The following SRSF10 variants were observed in gnomAD, a reference collection of about 807,000 sequenced individuals.
The protein encoded by SRSF10 is serine/arginine-rich splicing factor 10.
A neutral mutation model predicts 32.6 loss-of-function variants in SRSF10; 9 were observed. That is an observed-to-expected ratio of 0.28 (90% CI 0.17 to 0.48). The LOEUF is 0.48. Ranked by LOEUF, SRSF10 falls within the 20% of genes least tolerant of loss-of-function variation. The pLI, the probability that SRSF10 is intolerant of heterozygous loss-of-function variation, is 0.99. For missense variants in SRSF10, 201 were observed against 331.8 expected (o/e 0.61, Z 3.06); for synonymous variants, 105 against 112.4 (o/e 0.93, Z 0.42).
chr1:23,978,867 T>A, intron 1 of SRSF10, 50 bp from the exon 2 acceptor site: 2 of 1,490,080 alleles, frequency 1.3e-6, no homozygotes, highest in Non-Finnish European at 1.8e-6. Flanking sequence ...GTCCTTAAGA[T>A]GTATAGGCAA....
intron 2 of SRSF10, chr1:23,975,621 T>C (rs1233517593): frequency 2.0e-5 from 3 of 152,378 alleles, no homozygotes; most frequent in Non-Finnish European, 4.4e-5. Flanking sequence ...AATACTACTA[T>C]TTCATTTAAC....
chr1:23,970,013 G>A lies in SRSF10; in HGVS notation c.*1129C>T. ...CAAAATTTCAGTTCTTTTACACTAG[G>A]CACACACACACAAAACCTACTTTGA... On this transcript the variant is annotated 3_prime_UTR_variant, in exon 6 of 6. Coordinates refer to ENST00000492112, the MANE Select transcript of SRSF10 (RefSeq NM_054016.4). 2.0e-6 allele frequency: 2 copies of A among 985,236 alleles called. No homozygotes were observed. The highest frequency in any genetic ancestry group is 2.4e-6 in the Non-Finnish European group (2 of 829,898). The allele number at this position is 985,236 out of a possible 1,614,324, so 61.0% of individuals were successfully genotyped here. A position where few individuals can be genotyped will look rare whatever the true frequency, so the allele number is the denominator to read the frequency against.
chr1:23,978,458 G>T (rs1397639304), intron 2 of SRSF10, among the ~76,000 whole-genome samples: 1 of 152,108 alleles, frequency 6.6e-6, no homozygotes, highest in Admixed American at 6.6e-5. Context: ...CAACCAGAGT[G>T]CATTCAAATT....
At chr1:23,975,148 T>C in intron 2 of SRSF10, 71 bp from the exon 3 acceptor site, 1 of 1,188,862 alleles carries the variant, frequency 8.4e-7, no homozygotes, top group South Asian at 1.2e-5. Flanking sequence ...TTGGTATGTC[T>C]GGAACAATTC....
rs931930323 is a variant in SRSF10, at chr1:23,971,636, A to G, written c.438-10T>C. The G allele has an allele frequency of 5.0e-5, 80 of 1,608,618 alleles. No individual in the cohort carries two copies. The highest frequency in any genetic ancestry group is 1.9e-4 in the Admixed American group (11 of 59,450). ...TCCAGTCGGTCTACTGCTAAAAAGC[A>G]TATCAGAAAAAGCAGTGACAAATAT... is the stretch of plus-strand genomic sequence containing the variant. On this transcript the variant is annotated splice_polypyrimidine_tract_variant and intron_variant, in intron 4 of 5. Transcript: ENST00000492112.
intron 2 of SRSF10, chr1:23,976,812 C>T (rs1642120990): frequency 6.6e-6 from 1 of 152,172 alleles, no homozygotes; most frequent in Non-Finnish European, 1.5e-5. Context: ...GAAATTTGTA[C>T]TTTATGGTCT....
At chr1:23,972,566 C>T (rs1437417124) in intron 3 of SRSF10, among the ~76,000 whole-genome samples, 1 of 152,044 alleles carries the variant, frequency 6.6e-6, no homozygotes, top group Non-Finnish European at 1.5e-5. Flanking sequence ...CCTCAGCCTC[C>T]TGAGGAGCTG....
chr1:23,978,208 C>T (rs1263207924), intron 2 of SRSF10: 28 of 985,454 alleles, frequency 2.8e-5, no homozygotes, highest in Non-Finnish European at 3.3e-5. Flanking sequence ...AAGTGTTGAA[C>T]TCTACTCTAA....
chr1:23,971,548 T>C (rs2148500362), intron 5 of SRSF10, 25 bp downstream of exon 5: 1 of 1,604,630 alleles, frequency 6.2e-7, no homozygotes, highest in Non-Finnish European at 8.5e-7. Flanking sequence ...AATACATGAG[T>C]CTTTTTCAAA....
In SRSF10 at chr1:23,969,312, T is replaced by C. The variant is rs1247603795; in HGVS notation, c.*1830A>G. On this transcript the variant is annotated 3_prime_UTR_variant, in exon 6 of 6. Coordinates refer to ENST00000492112, the MANE Select transcript of SRSF10 (RefSeq NM_054016.4). The stretch of plus-strand genomic sequence containing the variant: ...TGTAAACTACTGCTACAGTTTTAAA[T>C]AGACTTTTTGTTGTTTAAACTATAC... 1.5e-5 allele frequency: 15 copies of C among 985,138 alleles called. No homozygotes were observed. The highest frequency in any genetic ancestry group is 1.8e-5 in the Non-Finnish European group (15 of 829,398). The allele number at this position is 985,138 out of a possible 1,614,324, so 61.0% of individuals were successfully genotyped here.
chr1:23,971,533 TA>T, intron 5 of SRSF10, 39 bp downstream of exon 5: 1 of 1,596,952 alleles, frequency 6.3e-7, no homozygotes, highest in Non-Finnish European at 8.5e-7. Context: ...ACTCTGAAAT[TA>T]AAAAATACAT....
chr1:23,976,319 C>CT (rs1642087547), intron 2 of SRSF10: 1 of 152,194 alleles, frequency 6.6e-6, no homozygotes, highest in South Asian at 2.1e-4. Context: ...AGACTTCCCA[C>CT]TTTTTGTTCT....
rs1641598350 is a variant in SRSF10, at chr1:23,969,044, C to G, written c.*2098G>C. 1 of 850,258 alleles carries G rather than the reference C, an allele frequency of 1.2e-6. No homozygotes were observed. The highest frequency in any genetic ancestry group is 1.8e-5 in the African/African-American group (1 of 54,474). The allele number at this position is 850,258 out of a possible 1,614,324, so 52.7% of individuals were successfully genotyped here. A position where few individuals can be genotyped will look rare whatever the true frequency, so the allele number is the denominator to read the frequency against. ...ACTGTTTCCATTGTTATTTTAGAATCATATTCAATACTGTAATAATTCCAG... is the reference window on the plus strand; with the variant it reads ...ACTGTTTCCATTGTTATTTTAGAATGATATTCAATACTGTAATAATTCCAG... On this transcript the variant is annotated 3_prime_UTR_variant, in exon 6 of 6. Coordinates refer to ENST00000492112, the MANE Select transcript of SRSF10 (RefSeq NM_054016.4).
At position 23,965,540 on chromosome 1, in the gene SRSF10, T is replaced by A. The variant is rs1031631111; in HGVS notation, c.*5602A>T. ...AAGGACAATTTTCTCATCTGTAAAATGGGAATAATACCCATTTCCCAGGAG... is the reference window on the plus strand; with the variant it reads ...AAGGACAATTTTCTCATCTGTAAAAAGGGAATAATACCCATTTCCCAGGAG... On this transcript the variant is annotated 3_prime_UTR_variant, in exon 6 of 6. Coordinates refer to ENST00000492112, the MANE Select transcript of SRSF10 (RefSeq NM_054016.4). The A allele has an allele frequency of 3.5e-4, 53 of 152,092 alleles. No homozygotes were observed. The highest frequency in any genetic ancestry group is 1.2e-3 in the African/African-American group (49 of 41,544). The allele number at this position is 152,092 out of a possible 1,614,324, so 9.4% of individuals were successfully genotyped here.
At chr1:23,974,352 C>G (rs1244653110) in intron 3 of SRSF10, among the ~76,000 whole-genome samples, 1 of 152,154 alleles carries the variant, frequency 6.6e-6, no homozygotes, top group African/African-American at 2.4e-5. Flanking sequence ...GACTCTAAAA[C>G]CTGTATTCCT....
chr1:23,967,754 G>A lies in SRSF10; in HGVS notation c.*3388C>T. 1 of 1,610,526 alleles carries A rather than the reference G, an allele frequency of 6.2e-7. No individual in the cohort carries two copies. Among genetic ancestry groups the A allele is most frequent in the Non-Finnish European group, 8.5e-7 (1 of 1,177,742 alleles). On this transcript the variant is annotated 3_prime_UTR_variant, in exon 6 of 6. Transcript: ENST00000492112. ...ATAAAAGAAGGATGTTTGTCAGTTT[G>A]GTTTCCTTTATTCTTCTCTGTGGTA...
chr1:23,975,500 AAAG>A (rs1642033430), intron 2 of SRSF10: 1 of 158,688 alleles, frequency 6.3e-6, no homozygotes, highest in Non-Finnish European at 1.4e-5. Flanking sequence ...CAAACGAAAA[AAAG>A]AAAATGCCAA....
chr1:23,970,307 A>C lies in SRSF10; in HGVS notation c.*835T>G. 4 of 985,278 alleles carry C rather than the reference A, an allele frequency of 4.1e-6. No homozygotes were observed. The South Asian group carries it at 1.9e-4, about 46-fold the overall frequency. 61.0% of individuals were successfully genotyped at this position (985,278 alleles called of 1,614,324 possible). On this transcript the variant is annotated 3_prime_UTR_variant, in exon 6 of 6. Transcript: ENST00000492112. Reference sequence around the variant, plus strand: ...ATCATTCCCCAAGACAGTGGGGTTAACAAAAGAACTAATCCACACTGCATC... The same window carrying C: ...ATCATTCCCCAAGACAGTGGGGTTACCAAAAGAACTAATCCACACTGCATC...
chr1:23,968,966 G>A lies in SRSF10; in HGVS notation c.*2176C>T, dbSNP rs1158951501. On this transcript the variant is annotated 3_prime_UTR_variant, in exon 6 of 6. Transcript: ENST00000492112. ...AAGTTCTATCATTTCCAAAGTAAAA[G>A]TTAGTTGTGCCTAGTGCAACAATGA... 8.3e-6 allele frequency: 3 copies of A among 360,406 alleles called. No individual in the cohort carries two copies. Among genetic ancestry groups the A allele is most frequent in the Non-Finnish European group, 7.7e-6 (2 of 259,120 alleles). 22.3% of individuals were successfully genotyped at this position (360,406 alleles called of 1,614,324 possible).
Sources: allele counts gnomAD v4.1 joint callset (sites outside exome capture counted in the v4.1 genomes callset), GRCh38; gene constraint gnomAD v4.1.1; transcripts MANE v1.5; gene names NCBI Gene and HGNC (gene_info 2026-07-23, HGNC 2026-07-21).